Variants in CCDC60 observed in about 807,000 individuals in gnomAD.
CCDC60 encodes coiled-coil domain containing 60, also known as coiled-coil domain-containing protein 60.
CCDC60 carries 54 observed loss-of-function variants against 63.5 expected under a neutral mutation model. The observed-to-expected ratio is 0.85, with a 90% CI of 0.68 to 1.07. The LOEUF (loss-of-function observed/expected upper bound fraction) is 1.07, where lower values mean the gene tolerates loss of function less well. CCDC60 is among the 50% of genes least tolerant of loss of function. CCDC60 has a pLI of 0.00. For synonymous variants in CCDC60, 206 were observed against 238.8 expected, an observed-to-expected ratio of 0.86 and a Z score of 1.27; for missense variants, 651 against 684.3, an observed-to-expected ratio of 0.95 and a Z score of 0.54.
chr12:119,490,757 T>A (rs1290796229), intron 5 of CCDC60, among the ~76,000 whole-genome samples: 2 of 152,042 alleles, frequency 1.3e-5, no homozygotes, highest in African/African-American at 4.8e-5. Context: ...TTTTTTAAGT[T>A]TTTTAGAGAT....
intron 2 of CCDC60, among the ~76,000 whole-genome samples, chr12:119,440,825 G>A (rs1025024419): frequency 1.2e-4 from 18 of 152,202 alleles, no homozygotes; most frequent in African/African-American, 4.1e-4. Flanking sequence ...GAGACACAGC[G>A]ATGAAAAAGC....
At chr12:119,361,281 T>C (rs1316293172) in intron 1 of CCDC60, among the ~76,000 whole-genome samples, 1 of 151,966 alleles carries the variant, frequency 6.6e-6, no homozygotes. Flanking sequence ...AACAAAACCC[T>C]CTCAAATTTA....
In CCDC60 at chr12:119,523,825, G is replaced by T. The variant is rs184231961; in HGVS notation, c.1229+7G>T. ...AGATGGAAATCCTCATGAAGTAAGCGCACATATATATCCATTCATTCAAAC... is the reference window on the plus strand; with the variant it reads ...AGATGGAAATCCTCATGAAGTAAGCTCACATATATATCCATTCATTCAAAC... On this transcript the variant is annotated splice_region_variant and intron_variant, in intron 11 of 13. Transcript: ENST00000327554. The T allele has an allele frequency of 6.2e-7, 1 of 1,613,694 alleles. No individual in the cohort carries two copies. Among genetic ancestry groups the T allele is most frequent in the South Asian group, 1.1e-5 (1 of 91,024 alleles).
chr12:119,351,788 G>C (rs151120602), intron 1 of CCDC60, among the ~76,000 whole-genome samples: 63 of 152,188 alleles, frequency 4.1e-4, no homozygotes, highest in Middle Eastern at 3.4e-3. Context: ...CAGCATTTTG[G>C]TCACAACCAT....
chr12:119,437,399 C>G (rs537694541), intron 2 of CCDC60, among the ~76,000 whole-genome samples: 34 of 152,278 alleles, frequency 2.2e-4, no homozygotes, highest in African/African-American at 6.3e-4. Context: ...GCATTCCAGG[C>G]AGCTACCACC....
At chr12:119,383,708 C>T (rs1450055448) in intron 1 of CCDC60, among the ~76,000 whole-genome samples, 1 of 152,226 alleles carries the variant, frequency 6.6e-6, no homozygotes, top group Non-Finnish European at 1.5e-5. Context: ...AGATTTCCTA[C>T]ATTTTTAAAA....
chr12:119,363,414 A>T (rs1955810784), intron 1 of CCDC60, among the ~76,000 whole-genome samples: 1 of 125,348 alleles, frequency 8.0e-6, no homozygotes, highest in African/African-American at 3.0e-5. Context: ...TAGTCTAGGT[A>T]TGAGTCCTCT....
intron 4 of CCDC60, among the ~76,000 whole-genome samples, chr12:119,481,561 A>AG (rs1951318679): frequency 6.6e-6 from 1 of 152,308 alleles, no homozygotes; most frequent in South Asian, 2.1e-4. Context: ...AAGCCCAGAA[A>AG]GGGGGAAGAA....
chr12:119,426,919 C>T (rs1393281274), intron 1 of CCDC60, among the ~76,000 whole-genome samples: 1 of 152,178 alleles, frequency 6.6e-6, no homozygotes, highest in South Asian at 2.1e-4. Context: ...TTCAAAGCCT[C>T]AGAGCAGTAG....
intron 1 of CCDC60, among the ~76,000 whole-genome samples, chr12:119,350,946 G>A (rs1444317569): frequency 1.3e-5 from 2 of 152,158 alleles, no homozygotes; most frequent in Non-Finnish European, 2.9e-5. Flanking sequence ...TCCTGACGCA[G>A]CAGCTATTCT....
intron 1 of CCDC60, among the ~76,000 whole-genome samples, chr12:119,395,174 A>C (rs1956229316): frequency 6.6e-6 from 1 of 152,354 alleles, no homozygotes; most frequent in African/African-American, 2.4e-5. Flanking sequence ...AAAGTCATGA[A>C]TGACTCTATA....
chr12:119,539,209 T>G (rs1953089589), intron 13 of CCDC60, among the ~76,000 whole-genome samples: 1 of 152,214 alleles, frequency 6.6e-6, no homozygotes, highest in African/African-American at 2.4e-5. Flanking sequence ...TTAGCAGAGC[T>G]TGAGCGCTGT....
At chr12:119,366,095 C>T (rs547962377) in intron 1 of CCDC60, among the ~76,000 whole-genome samples, 1 of 152,284 alleles carries the variant, frequency 6.6e-6, no homozygotes, top group Non-Finnish European at 1.5e-5. Flanking sequence ...TGCTAAGATG[C>T]TTCACATGAA....
intron 4 of CCDC60, among the ~76,000 whole-genome samples, chr12:119,482,009 ATATATATATG>A (rs1566033926): frequency 2.5e-5 from 1 of 40,636 alleles, no homozygotes; most frequent in African/African-American, 5.9e-5. Flanking sequence ...TATATATAGT[ATATATATATG>A]TATATATGTG....
chr12:119,384,205 AAG>A (rs112386960), intron 1 of CCDC60, among the ~76,000 whole-genome samples: 17 of 151,916 alleles, frequency 1.1e-4, no homozygotes, highest in Admixed American at 2.0e-4. Context: ...CAAAAAAAAA[AAG>A]AGAGAGAGAG....
intron 1 of CCDC60, among the ~76,000 whole-genome samples, chr12:119,417,379 G>C (rs1956720803): frequency 6.6e-6 from 1 of 152,158 alleles, no homozygotes; most frequent in Non-Finnish European, 1.5e-5. Flanking sequence ...GTTGCCTGGA[G>C]GAGGAAATGG....
Position 119,456,040 on chromosome 12 carries a change from AAAGAAAGAAAGAAAGAAAGAAAGC to A in CCDC60, c.171-15950_171-15927del, listed in dbSNP as rs1205887252. ...GAAAGAAAGAAAGAAAGAAAGAAAG[AAAGAAAGAAAGAAAGAAAGAAAGC>A]AAGCAAGCATGTGCAATTTCAAGGG... is the stretch of plus-strand genomic sequence containing the variant. On this transcript the variant is annotated intron_variant, in intron 2 of 13. Coordinates refer to ENST00000327554, the MANE Select transcript of CCDC60 (RefSeq NM_178499.5). This position sits in a 1 kb window ranked among gnomAD's most constrained non-coding sequence, Gnocchi z 4.6. Among the ~76,000 whole-genome samples the A allele has an allele frequency of 1.4e-5, 2 of 143,954 alleles. No homozygotes were observed. 94.4% of individuals were successfully genotyped at this position (143,954 alleles called of 152,430 possible). A position where few individuals can be genotyped will look rare whatever the true frequency, so the allele number is the denominator to read the frequency against.
In CCDC60 at chr12:119,410,199, G is replaced by C. The variant is rs199523797; in HGVS notation, c.91-18484G>C. The stretch of plus-strand genomic sequence containing the variant: ...TTGGAAAGAGTGTGTGTGTGTGTGT[G>C]TCTGTGTGTGTGTGTGTGTGTGGTT... On this transcript the variant is annotated intron_variant, in intron 1 of 13. Coordinates refer to ENST00000327554, the MANE Select transcript of CCDC60 (RefSeq NM_178499.5). This position sits in a 1 kb window ranked among gnomAD's most constrained non-coding sequence, Gnocchi z 4.0. 1.1e-4 allele frequency among the ~76,000 whole-genome samples: 16 copies of C among 142,582 alleles called. No individual in the cohort carries two copies. In the South Asian group the frequency reaches 3.0e-3, roughly 27 times the overall value. 93.5% of individuals were successfully genotyped at this position (142,582 alleles called of 152,430 possible).
chr12:119,505,183 A>T lies in CCDC60; in HGVS notation c.763A>T (p.Ile255Phe), dbSNP rs1461657894. 5 of 1,614,002 alleles carry T rather than the reference A, an allele frequency of 3.1e-6. No individual in the cohort carries two copies. In the Admixed American group the frequency reaches 6.7e-5, roughly 22 times the overall value. Residue 255 changes from isoleucine to phenylalanine, a missense_variant, in exon 7 of 14, where the codon ATC becomes TTC. By Grantham distance (21) the Ile-to-Phe change is conservative. Coordinates refer to ENST00000327554, the MANE Select transcript of CCDC60 (RefSeq NM_178499.5). ...GGGGTCCTCTCCCCAGAGCAGCATGATCTCTGTGAACCCTGGCTCGGATGA... is the reference window on the plus strand; with the variant it reads ...GGGGTCCTCTCCCCAGAGCAGCATGTTCTCTGTGAACCCTGGCTCGGATGA... ...SGGSSPQSSM[I>F]SVNPGSDEPP...
Sources: gnomAD v4.1 joint callset for allele counts (sites outside exome capture counted in the v4.1 genomes callset) on GRCh38, gnomAD v4.1.1 for gene constraint, Gnocchi (gnomAD v3.1) non-coding constraint, MANE v1.5 for transcripts, NCBI Gene and HGNC (gene_info 2026-07-23, HGNC 2026-07-21) for gene names.